Variants in KALRN observed in about 807,000 individuals in gnomAD.
The protein encoded by KALRN is kalirin RhoGEF kinase.
A neutral mutation model predicts 353.7 loss-of-function variants in KALRN; 70 were observed. That is an observed-to-expected ratio of 0.20 (90% CI 0.16 to 0.24). The LOEUF is 0.24. Ranked by LOEUF, KALRN falls within the 10% of genes least tolerant of loss-of-function variation. KALRN has a pLI of 1.00. For missense variants in KALRN, 2,791 were observed against 3,756.7 expected (o/e 0.74, Z 6.72); for synonymous variants, 1,391 against 1,434.8 (o/e 0.97, Z 0.69).
At position 124,539,924 on chromosome 3, in the gene KALRN, G is replaced by GGC. The variant is rs1437477520; in HGVS notation, c.4936-22918_4936-22917insCG. On this transcript the variant is annotated intron_variant, in intron 33 of 59. Coordinates refer to ENST00000682506, the MANE Select transcript of KALRN (RefSeq NM_001388419.1). ...CACCACACCAAGCTAATTTTTTTTG[G>GGC]GGGGGGGGACAGGGTCTCACTGTCA... Among the ~76,000 whole-genome samples, 756 of 133,152 alleles carry GGC rather than the reference G, an allele frequency of 5.7e-3. 9 individuals carry two copies. Among genetic ancestry groups the GGC allele is most frequent in the Non-Finnish European group, 5.9e-3 (373 of 62,762 alleles). The allele number at this position is 133,152 out of a possible 152,430, so 87.4% of individuals were successfully genotyped here.
At chr3:124,152,664 G>T in intron 1 of KALRN, 1 of 565,674 alleles carries the variant, frequency 1.8e-6, no homozygotes, top group South Asian at 2.3e-5. Flanking sequence ...TGCAATCGAG[G>T]CTCACTGCAA....
At chr3:124,467,821 C>A (rs1037033327) in intron 25 of KALRN, among the ~76,000 whole-genome samples, 1 of 151,852 alleles carries the variant, frequency 6.6e-6, no homozygotes, top group Non-Finnish European at 1.5e-5. Context: ...GGAGAGAGAG[C>A]TAGGTGGATA....
chr3:124,667,837 T>C (rs2085844671), intron 47 of KALRN, among the ~76,000 whole-genome samples: 1 of 152,208 alleles, frequency 6.6e-6, no homozygotes, highest in Admixed American at 6.5e-5. Flanking sequence ...TATATATTTC[T>C]TTATTTTTTC....
chr3:124,415,617 G>A (rs1352371882), intron 14 of KALRN, among the ~76,000 whole-genome samples: 1 of 152,160 alleles, frequency 6.6e-6, no homozygotes, highest in African/African-American at 2.4e-5. Context: ...ATAGTCTAAG[G>A]GTCAAAGAAT....
At chr3:124,512,373 C>T (rs1239925012) in intron 33 of KALRN, among the ~76,000 whole-genome samples, 2 of 152,086 alleles carry the variant, frequency 1.3e-5, no homozygotes, top group Non-Finnish European at 2.9e-5. Context: ...AGGGGGTGGC[C>T]AGGTGCGGTG....
At chr3:124,330,533 G>A (rs1306961831) in intron 8 of KALRN, among the ~76,000 whole-genome samples, 3 of 152,256 alleles carry the variant, frequency 2.0e-5, no homozygotes, top group South Asian at 2.1e-4. Context: ...AAGCTTCCAT[G>A]AATGTGAAGG....
chr3:124,642,085 C>T (rs143593818), intron 37 of KALRN, among the ~76,000 whole-genome samples: 1,751 of 152,210 alleles, frequency 0.012, 34 homozygotes, highest in African/African-American at 0.04. Context: ...AGTTCAAGAC[C>T]AGCCTAGGCA....
chr3:124,443,390 G>A (rs34877811), intron 19 of KALRN, among the ~76,000 whole-genome samples: 9 of 152,324 alleles, frequency 5.9e-5, no homozygotes, highest in South Asian at 2.1e-4. Context: ...GGTAGGGTGC[G>A]TGGTCTGCTT....
intron 5 of KALRN, among the ~76,000 whole-genome samples, chr3:124,278,458 GGTGTGTGTGT>G (rs55855993): frequency 1.4e-5 from 2 of 145,502 alleles, no homozygotes; most frequent in African/African-American, 2.5e-5. Flanking sequence ...GGACACTTCA[GGTGTGTGTGT>G]GTGTGTGTGT....
chr3:124,582,365 TAGAA>T, intron 34 of KALRN, among the ~76,000 whole-genome samples: 2 of 152,122 alleles, frequency 1.3e-5, no homozygotes, highest in East Asian at 3.9e-4. Flanking sequence ...TTGTATGTGT[TAGAA>T]AGAGCACCAG....
At chr3:124,279,682 A>T (rs1378926492) in intron 5 of KALRN, among the ~76,000 whole-genome samples, 2 of 152,242 alleles carry the variant, frequency 1.3e-5, no homozygotes, top group South Asian at 2.1e-4. Context: ...GCAGGATCTT[A>T]GAGAACACTT....
intron 34 of KALRN, among the ~76,000 whole-genome samples, chr3:124,576,409 A>T (rs769441636): frequency 3.9e-5 from 6 of 152,052 alleles, no homozygotes; most frequent in Admixed American, 6.6e-5. Context: ...CAGAGTTCTT[A>T]TGTGAAGGAC....
At chr3:124,519,003 T>A (rs1325759635) in intron 33 of KALRN, 1 of 987,632 alleles carries the variant, frequency 1.0e-6, no homozygotes, top group African/African-American at 1.7e-5. Flanking sequence ...GTAGAGAAGA[T>A]GAGGGTTAAC....
chr3:124,335,275 G>A (rs1293504452), intron 9 of KALRN, among the ~76,000 whole-genome samples: 1 of 152,134 alleles, frequency 6.6e-6, no homozygotes, highest in African/African-American at 2.4e-5. Flanking sequence ...CCTTGACAAG[G>A]TTGGACCAGG....
chr3:124,549,437 C>T (rs2070188298), intron 33 of KALRN, among the ~76,000 whole-genome samples: 1 of 151,648 alleles, frequency 6.6e-6, no homozygotes, highest in South Asian at 2.1e-4. Context: ...GTCCTTCTGA[C>T]TAATGCCAAA....
chr3:124,046,673 G>A (rs373121800), intron 1 of KALRN, among the ~76,000 whole-genome samples: 2 of 152,320 alleles, frequency 1.3e-5, no homozygotes, highest in South Asian at 2.1e-4. Context: ...TGTCTAGGGT[G>A]AGGATGAGGT....
intron 1 of KALRN, among the ~76,000 whole-genome samples, chr3:124,146,959 G>T (rs958433926): frequency 6.6e-6 from 1 of 151,496 alleles, no homozygotes; most frequent in African/African-American, 2.4e-5. Context: ...CCATGAGTGA[G>T]GCTCTAAAAC....
intron 11 of KALRN, among the ~76,000 whole-genome samples, chr3:124,391,079 C>T (rs2089297320): frequency 6.6e-6 from 1 of 152,156 alleles, no homozygotes; most frequent in Admixed American, 6.5e-5. Flanking sequence ...TTTTTGGCCA[C>T]AACTACATGT....
intron 1 of KALRN, among the ~76,000 whole-genome samples, chr3:124,165,469 T>C (rs1226963098): frequency 1.3e-5 from 2 of 152,224 alleles, no homozygotes; most frequent in Non-Finnish European, 2.9e-5. Context: ...GGCTGATGTA[T>C]GCATGGTTCC....
Sources: allele counts gnomAD v4.1 joint callset (sites outside exome capture counted in the v4.1 genomes callset), GRCh38; gene constraint gnomAD v4.1.1; transcripts MANE v1.5; gene names NCBI Gene and HGNC (gene_info 2026-07-23, HGNC 2026-07-21).